MIDEAS: variants seen among roughly 807,000 people sequenced by gnomAD.
MIDEAS encodes mitotic deacetylase-associated SANT domain protein.
In MIDEAS, 26 loss-of-function variants were observed where a neutral mutation model predicts 102.7. That is an observed-to-expected ratio of 0.25 (90% confidence interval 0.19 to 0.35). The LOEUF (loss-of-function observed/expected upper bound fraction) is 0.35, where lower values mean the gene tolerates loss of function less well. Ranked by LOEUF, MIDEAS falls within the 10% of genes least tolerant of loss-of-function variation. The pLI, the probability that MIDEAS is intolerant of heterozygous loss-of-function variation, is 1.00. For missense variants in MIDEAS, 1,231 were observed against 1,435.6 expected, an observed-to-expected ratio of 0.86 and a Z score of 2.30; for synonymous variants, 585 against 591.0, an observed-to-expected ratio of 0.99 and a Z score of 0.15.
At chr14:73,749,968 G>C (rs1265839289) in intron 1 of MIDEAS, among the ~76,000 whole-genome samples, 3 of 152,174 alleles carry the variant, frequency 2.0e-5, no homozygotes, top group Non-Finnish European at 2.9e-5. Flanking sequence ...ACAACTAGGG[G>C]ATGGAGAGGC....
intron 10 of MIDEAS, 91 bp downstream of exon 10, chr14:73,722,607 C>T: frequency 6.6e-7 from 1 of 1,509,552 alleles, no homozygotes; most frequent in Non-Finnish European, 9.0e-7. Flanking sequence ...CCTCTGCAGG[C>T]TCCTGGAGAG....
At chr14:73,740,829 C>A (rs988522120) in intron 1 of MIDEAS, among the ~76,000 whole-genome samples, 1 of 152,250 alleles carries the variant, frequency 6.6e-6, no homozygotes, top group East Asian at 1.9e-4. Context: ...TCATTCCCGA[C>A]GTGGCCACTC....
chr14:73,761,518 A>G (rs908508764), upstream of MIDEAS, among the ~76,000 whole-genome samples: 1 of 152,236 alleles, frequency 6.6e-6, no homozygotes, highest in Non-Finnish European at 1.5e-5. Flanking sequence ...TATGATAGAT[A>G]TGTCAAAATA....
At chr14:73,723,934 C>T (rs189986901) in intron 9 of MIDEAS, 7 of 152,306 alleles carry the variant, frequency 4.6e-5, no homozygotes, top group African/African-American at 1.7e-4. Context: ...GGGAGGAACT[C>T]AAGGGAAACT....
Position 73,725,508 on chromosome 14 carries a change from C to T in MIDEAS, c.2486-148G>A, listed in dbSNP as rs532435022. 5 of 637,282 alleles carry T rather than the reference C, an allele frequency of 7.8e-6. No homozygotes were observed. Among genetic ancestry groups the T allele is most frequent in the South Asian group, 5.3e-5 (3 of 56,196 alleles). The allele number at this position is 637,282 out of a possible 1,614,324, so 39.5% of individuals were successfully genotyped here. On this transcript the variant is annotated intron_variant, in intron 8 of 12. Coordinates refer to ENST00000423556, the MANE Select transcript of MIDEAS (RefSeq NM_001367710.1). The surrounding 1 kb of genome is among the most constrained non-coding windows in gnomAD (Gnocchi z 4.1). The stretch of plus-strand genomic sequence containing the variant: ...CTCCTCGTCCCACTTCCATGTGCCT[C>T]ACAGCCTCGCTCCCTTGCTTGTGAA...
At chr14:73,761,720 A>G (rs1387573578), upstream of MIDEAS, among the ~76,000 whole-genome samples, 1 of 152,186 alleles carries the variant, frequency 6.6e-6, no homozygotes, top group African/African-American at 2.4e-5. Flanking sequence ...CTGTGATGAC[A>G]GTATTGTTCC....
intron 1 of MIDEAS, among the ~76,000 whole-genome samples, chr14:73,781,015 G>A (rs2053751829): frequency 2.0e-5 from 3 of 151,998 alleles, no homozygotes; most frequent in African/African-American, 7.3e-5. Flanking sequence ...TGAGAAGATG[G>A]AGTCCTTGGT....
In MIDEAS at chr14:73,739,283, G is replaced by A; in HGVS notation, c.726C>T (p.Ala242=). 1.2e-6 allele frequency: 2 copies of A among 1,611,882 alleles called. No individual in the cohort carries two copies. Among genetic ancestry groups the A allele is most frequent in the Non-Finnish European group, 1.7e-6 (2 of 1,179,850 alleles). ...QGPPPPNPVA[A]FPPQKQQQQQ... is the part of the protein sequence containing the mutation. ...GCTGCTGCTGCTTCTGTGGAGGGAA[G>A]GCAGCCACCGGGTTTGGGGGCGGTG... Residue 242 remains alanine (A), a synonymous_variant, in exon 2 of 13, where the codon GCC becomes GCT. Transcript: ENST00000423556.
intron 1 of MIDEAS, among the ~76,000 whole-genome samples, chr14:73,766,851 ATTT>A (rs34401057): frequency 1.3e-5 from 1 of 75,900 alleles, no homozygotes; most frequent in Non-Finnish European, 2.6e-5. Flanking sequence ...CTGCCCGGCC[ATTT>A]TTTTTTTTTT....
At chr14:73,766,775 AATCTCCTGACCTC>A (rs1468200721) in intron 1 of MIDEAS, among the ~76,000 whole-genome samples, 1 of 150,934 alleles carries the variant, frequency 6.6e-6, no homozygotes, top group Non-Finnish European at 1.5e-5. Context: ...TGGTCGTCTC[AATCTCCTGACCTC>A]ATCATCTGCC....
At chr14:73,723,206 G>C (rs150425664) in intron 9 of MIDEAS, 1 of 159,878 alleles carries the variant, frequency 6.3e-6, no homozygotes, top group African/African-American at 2.4e-5. Context: ...GTGCAGTGAC[G>C]CGATTTTGGC....
chr14:73,760,526 C>T (rs1376153389), upstream of MIDEAS, among the ~76,000 whole-genome samples: 1 of 152,252 alleles, frequency 6.6e-6, no homozygotes, highest in African/African-American at 2.4e-5. The surrounding 1 kb of genome is among the most constrained non-coding windows in gnomAD (Gnocchi z 4.8). Context: ...CCTTTCACAC[C>T]AAGGTCAGGA....
At position 73,739,245 on chromosome 14, in the gene MIDEAS, T is replaced by C. The variant is rs1031537575; in HGVS notation, c.764A>G (p.Gln255Arg). ...PQKQQQQQQPQQQQQQQQAAL... is the reference protein window; with the variant it reads ...PQKQQQQQQPRQQQQQQQAAL... Reference sequence around the variant, plus strand: ...TGCCTGCTGCTGCTGCTGCTGCTGCTGTGGTTGCTGCTGCTGCTGCTGCTT... The same window carrying C: ...TGCCTGCTGCTGCTGCTGCTGCTGCCGTGGTTGCTGCTGCTGCTGCTGCTT... The change falls in exon 2 of 13, where the codon CAG (glutamine) becomes CGG (arginine). Residue 255 changes from glutamine to arginine, a missense_variant. Around this residue, in one of 5 missense-constraint regions of MIDEAS, gnomAD observed 758 missense variants for 856.0 expected, o/e 0.89. Coordinates refer to ENST00000423556, the MANE Select transcript of MIDEAS (RefSeq NM_001367710.1). 6 of 1,611,622 alleles carry C rather than the reference T, an allele frequency of 3.7e-6. No homozygotes were observed. In the Admixed American group the frequency reaches 5.0e-5, roughly 13 times the overall value.
intron 4 of MIDEAS, among the ~76,000 whole-genome samples, 191 bp downstream of exon 4, chr14:73,729,449 C>A (rs1242348588): frequency 1.3e-5 from 2 of 152,200 alleles, no homozygotes; most frequent in East Asian, 3.9e-4. Flanking sequence ...TGAATCCAAG[C>A]AGCTGGGCGG....
At chr14:73,780,492 T>C (rs2053745491) in intron 1 of MIDEAS, among the ~76,000 whole-genome samples, 1 of 152,234 alleles carries the variant, frequency 6.6e-6, no homozygotes, top group African/African-American at 2.4e-5. Context: ...TCTTCATTCT[T>C]TCACTCACTC....
intron 3 of MIDEAS, among the ~76,000 whole-genome samples, chr14:73,733,911 T>G (rs1275273780): frequency 6.6e-6 from 1 of 151,856 alleles, no homozygotes; most frequent in Non-Finnish European, 1.5e-5. Flanking sequence ...GCCAGGCTGG[T>G]CTTGAACTAC....
At chr14:73,732,003 T>G (rs138896675) in intron 3 of MIDEAS, among the ~76,000 whole-genome samples, 72 of 152,380 alleles carry the variant, frequency 4.7e-4, no homozygotes, top group African/African-American at 1.3e-3. Flanking sequence ...ATTCTAGGGC[T>G]AGCTCTACCA....
chr14:73,786,740 C>A (rs542478683), intron 1 of MIDEAS, among the ~76,000 whole-genome samples: 4 of 152,360 alleles, frequency 2.6e-5, no homozygotes, highest in Admixed American at 2.6e-4. Context: ...AAGCACCGGG[C>A]AGGGGCCGAG....
Position 73,759,413 on chromosome 14 carries a change from G to C in MIDEAS, c.-248+350C>G, listed in dbSNP as rs1211992134. ...GCCGCCGCGGGCCGCCGGGTGGGGA[G>C]GGCTTTCCTGGCGGGGCCGCGCCCG... is the stretch of plus-strand genomic sequence containing the variant. On this transcript the variant is annotated intron_variant, in intron 1 of 12. Coordinates refer to ENST00000423556, the MANE Select transcript of MIDEAS (RefSeq NM_001367710.1). This position sits in a 1 kb window ranked among gnomAD's most constrained non-coding sequence, Gnocchi z 6.7. Among the ~76,000 whole-genome samples the C allele has an allele frequency of 1.3e-5, 2 of 151,064 alleles. No homozygotes were observed. The highest frequency in any genetic ancestry group is 3.0e-5 in the Non-Finnish European group (2 of 67,678).
Sources: allele counts gnomAD v4.1 joint callset (sites outside exome capture counted in the v4.1 genomes callset), GRCh38; gene constraint gnomAD v4.1.1; regional missense constraint gnomAD v4.1.1; non-coding constraint Gnocchi (gnomAD v3.1); transcripts MANE v1.5; gene names NCBI Gene and HGNC (gene_info 2026-07-23, HGNC 2026-07-21).